Variants in FLVCR2 observed in about 807,000 individuals in gnomAD.
FLVCR2 encodes the protein FLVCR choline and putative heme transporter 2, also known as choline/ethanolamine transporter FLVCR2.
FLVCR2 carries 38 observed loss-of-function variants against 48.9 expected under a neutral mutation model. The observed-to-expected ratio is 0.78, with a 90% CI of 0.60 to 1.02. The LOEUF is 1.02. Among genes scored for constraint, FLVCR2 ranks in the 50% least tolerant of loss-of-function variants. FLVCR2 has a pLI of 0.00. For synonymous variants in FLVCR2, 255 were observed against 257.0 expected (o/e 0.99, Z 0.07); for missense variants, 664 against 663.3 (o/e 1.00, Z -0.01).
chr14:75,642,746 C>T (rs1212117491), intron 9 of FLVCR2, among the ~76,000 whole-genome samples: 1 of 152,194 alleles, frequency 6.6e-6, no homozygotes, highest in African/African-American at 2.4e-5. Context: ...TCTGTATCCA[C>T]TTATAATATA....
At chr14:75,620,761 A>G (rs1566791854) in intron 1 of FLVCR2, among the ~76,000 whole-genome samples, 1 of 152,252 alleles carries the variant, frequency 6.6e-6, no homozygotes, top group Non-Finnish European at 1.5e-5. Flanking sequence ...TGAATATTCC[A>G]GAACTGAGAA....
At position 75,579,245 on chromosome 14, in the gene FLVCR2, T is replaced by C. The variant is rs773005626; in HGVS notation, c.273T>C (p.Phe91=). ...SRRRWAVVLV[F]SCYSMCNSFQ... ...GCCGTTGGGCCGTGGTCCTGGTGTTTAGCTGCTACTCCATGTGCAACTCCT... is the reference window on the plus strand; with the variant it reads ...GCCGTTGGGCCGTGGTCCTGGTGTTCAGCTGCTACTCCATGTGCAACTCCT... The change falls in exon 1 of 10, where the codon TTT becomes TTC. Residue 91 remains phenylalanine (F), a synonymous_variant. Coordinates refer to ENST00000238667, the MANE Select transcript of FLVCR2 (RefSeq NM_017791.3). The C allele has an allele frequency of 1.2e-6, 2 of 1,614,232 alleles. No homozygotes were observed. Among genetic ancestry groups the C allele is most frequent in the Non-Finnish European group, 1.7e-6 (2 of 1,180,046 alleles).
chr14:75,593,673 G>A (rs1888942244), intron 1 of FLVCR2, among the ~76,000 whole-genome samples: 1 of 152,322 alleles, frequency 6.6e-6, no homozygotes, highest in Admixed American at 6.5e-5. Flanking sequence ...AAGTTTAAGA[G>A]GGGACAAACT....
chr14:75,639,429 TGTGGGTA>T lies in FLVCR2; in HGVS notation c.1206_1212del (p.Trp402CysfsTer12). On this transcript the variant is annotated frameshift_variant, in exon 6 of 10. Transcript: ENST00000238667. LOFTEE classifies it high-confidence loss of function. ...ACGTTTACCTTGAACCTGGGACACCTGTGGGTAGTGTTCATCACTGCTGGCACAATGG... is the reference window on the plus strand; with the variant it reads ...ACGTTTACCTTGAACCTGGGACACCTGTGTTCATCACTGCTGGCACAATGG... 6.2e-7 allele frequency: 1 copy of T among 1,613,712 alleles called. No homozygotes were observed. Among genetic ancestry groups the T allele is most frequent in the South Asian group, 1.1e-5 (1 of 91,078 alleles).
At chr14:75,582,609 G>A (rs1169368430) in intron 1 of FLVCR2, among the ~76,000 whole-genome samples, 1 of 152,066 alleles carries the variant, frequency 6.6e-6, no homozygotes, top group African/African-American at 2.4e-5. Context: ...GCTACAGGGT[G>A]TGGTCCCGGC....
At chr14:75,586,924 AAAAC>A (rs1403544594) in intron 1 of FLVCR2, among the ~76,000 whole-genome samples, 2 of 152,184 alleles carry the variant, frequency 1.3e-5, no homozygotes, top group Non-Finnish European at 1.5e-5. Flanking sequence ...ATTGTATTAA[AAAAC>A]AAACAAACAC....
intron 9 of FLVCR2, among the ~76,000 whole-genome samples, chr14:75,645,449 G>A (rs1214577087): frequency 1.3e-5 from 2 of 152,088 alleles, no homozygotes; most frequent in South Asian, 2.1e-4. Flanking sequence ...GTACCTAGGG[G>A]CCCCACAGGA....
chr14:75,633,077 A>G, intron 3 of FLVCR2: 1 of 655,920 alleles, frequency 1.5e-6, no homozygotes, highest in Admixed American at 2.4e-5. Context: ...GTAAAGTAGG[A>G]GAGTCAACTG....
chr14:75,623,713 C>T (rs1889818877), intron 2 of FLVCR2, among the ~76,000 whole-genome samples: 1 of 151,966 alleles, frequency 6.6e-6, no homozygotes, highest in Non-Finnish European at 1.5e-5. Context: ...TTGAACACTG[C>T]CTGGGAGGTC....
At chr14:75,625,583 C>T (rs755589512) in intron 3 of FLVCR2, among the ~76,000 whole-genome samples, 1 of 151,932 alleles carries the variant, frequency 6.6e-6, no homozygotes, top group Non-Finnish European at 1.5e-5. Flanking sequence ...ATTCAGCCTA[C>T]ATTTGGTCAT....
intron 3 of FLVCR2, chr14:75,632,888 G>T (rs1295739233): frequency 1.4e-6 from 1 of 702,340 alleles, no homozygotes; most frequent in South Asian, 1.5e-5. Context: ...ATAGGTATGT[G>T]CAGCCGCCAT....
intron 3 of FLVCR2, chr14:75,632,533 A>G (rs1389008588): frequency 1.3e-5 from 9 of 676,474 alleles, no homozygotes; most frequent in South Asian, 9.4e-5. Flanking sequence ...GGTGGTTGCC[A>G]TACCCACCTT....
intron 1 of FLVCR2, among the ~76,000 whole-genome samples, chr14:75,589,656 C>T (rs73305470): frequency 0.23 from 35,608 of 152,136 alleles, 4,514 homozygotes; most frequent in East Asian, 0.56. Flanking sequence ...GTGGCTCTGC[C>T]CCTGAAACAA....
intron 1 of FLVCR2, among the ~76,000 whole-genome samples, chr14:75,616,528 T>G (rs1332780790): frequency 1.3e-5 from 2 of 152,144 alleles, no homozygotes; most frequent in African/African-American, 4.8e-5. Context: ...TTTACATGTT[T>G]ATGGAGTATG....
intron 1 of FLVCR2, among the ~76,000 whole-genome samples, chr14:75,597,546 T>C (rs946170452): frequency 6.6e-6 from 1 of 151,668 alleles, no homozygotes; most frequent in African/African-American, 2.4e-5. Context: ...AACCAAACTG[T>C]CTAGGAAAGG....
intron 9 of FLVCR2, among the ~76,000 whole-genome samples, chr14:75,645,886 C>G (rs1042871306): frequency 8.8e-5 from 13 of 148,004 alleles, no homozygotes; most frequent in Non-Finnish European, 3.0e-5. Context: ...CCATTGCACT[C>G]CAGCCTAGGC....
chr14:75,579,691 C>A (rs1368992903), intron 1 of FLVCR2, 50 bp downstream of exon 1: 1 of 1,583,188 alleles, frequency 6.3e-7, no homozygotes, highest in Admixed American at 1.7e-5. Context: ...TTAGATTGCA[C>A]CTAACTATTG....
intron 1 of FLVCR2, among the ~76,000 whole-genome samples, chr14:75,601,331 T>C (rs1332057298): frequency 6.6e-6 from 1 of 152,226 alleles, no homozygotes; most frequent in Admixed American, 6.5e-5. Flanking sequence ...AGCTTGGGCA[T>C]TAGGGCCATT....
At chr14:75,605,787 A>G (rs1198832077) in intron 1 of FLVCR2, 3 of 655,442 alleles carry the variant, frequency 4.6e-6, no homozygotes, top group Non-Finnish European at 8.0e-6. Context: ...TTGATTGCAC[A>G]GCCCTGCCAG....
Sources: allele counts gnomAD v4.1 joint callset (sites outside exome capture counted in the v4.1 genomes callset), GRCh38; gene constraint gnomAD v4.1.1; transcripts MANE v1.5; gene names NCBI Gene and HGNC (gene_info 2026-07-23, HGNC 2026-07-21).